The following ZFP30 variants were observed in gnomAD, a reference collection of about 807,000 sequenced individuals.
ZFP30 encodes the protein zinc finger protein 30 homolog.
ZFP30 carries 16 observed loss-of-function variants against 12.3 expected under a neutral mutation model. The ratio of observed to expected loss-of-function variants is 1.30; its 90% CI spans 0.88 to 1.98. ZFP30 has a LOEUF of 1.98. Ranked by LOEUF, ZFP30 falls within the 30% of genes most tolerant of loss-of-function variation. ZFP30 has a pLI of 0.00. For synonymous variants in ZFP30, 172 were observed against 201.0 expected, an observed-to-expected ratio of 0.86 and a Z score of 1.22; for missense variants, 560 against 611.2, an observed-to-expected ratio of 0.92 and a Z score of 0.88.
At chr19:37,636,438 A>C in intron 5 of ZFP30, 133 bp from the exon 6 acceptor site, 1 of 905,194 alleles carries the variant, frequency 1.1e-6, no homozygotes, top group Non-Finnish European at 1.6e-6. Flanking sequence ...AATGGGCTCA[A>C]AATCTCTAAA....
intron 5 of ZFP30, among the ~76,000 whole-genome samples, chr19:37,638,235 G>A (rs1042505544): frequency 2.0e-5 from 3 of 152,138 alleles, no homozygotes; most frequent in Non-Finnish European, 2.9e-5. Flanking sequence ...AAGGTAATAA[G>A]AGTCTCTAAA....
chr19:37,655,295 C>G (rs967990075), intron 1 of ZFP30, 125 bp downstream of exon 1: 2 of 152,372 alleles, frequency 1.3e-5, no homozygotes, highest in African/African-American at 4.8e-5. Context: ...AGCACACCGG[C>G]CTGAGGCTCC....
In ZFP30 at chr19:37,631,827, G is replaced by C. The variant is rs1251182233; in HGVS notation, c.*3154C>G. ...TTAAAGCTGGATGGATCTGGTCCAA[G>C]TTATTCCACATAAATGATTTTCTAT... is the stretch of plus-strand genomic sequence containing the variant. On this transcript the variant is annotated 3_prime_UTR_variant, in exon 6 of 6. Transcript: ENST00000684514. 6.6e-6 allele frequency: 1 copy of C among 152,082 alleles called. No homozygotes were observed. Among genetic ancestry groups the C allele is most frequent in the Non-Finnish European group, 1.5e-5 (1 of 67,994 alleles). The allele number at this position is 152,082 out of a possible 1,614,324, so 9.4% of individuals were successfully genotyped here.
intron 5 of ZFP30, among the ~76,000 whole-genome samples, chr19:37,637,195 CTTTT>C (rs1005693767): frequency 6.9e-6 from 1 of 145,032 alleles, no homozygotes; most frequent in African/African-American, 2.5e-5. Flanking sequence ...TTTCTTTTTT[CTTTT>C]TTTCTTTTTT....
intron 2 of ZFP30, among the ~76,000 whole-genome samples, chr19:37,649,051 A>AACAT: frequency 6.6e-6 from 1 of 152,058 alleles, no homozygotes; most frequent in South Asian, 2.1e-4. Context: ...CAGCCTCAAC[A>AACAT]ACATAGTAAG....
At position 37,643,490 on chromosome 19, in the gene ZFP30, A is replaced by G. The variant is rs528159982; in HGVS notation, c.137-127T>C. On this transcript the variant is annotated intron_variant, in intron 4 of 5. Transcript: ENST00000684514. Reference sequence around the variant, plus strand: ...GGATCACAAGGAAAAACAAGAACACAGAAGTAGGGACCTGGTTTTATTTTA... The same window carrying G: ...GGATCACAAGGAAAAACAAGAACACGGAAGTAGGGACCTGGTTTTATTTTA... The G allele has an allele frequency of 9.3e-6, 5 of 538,772 alleles. No homozygotes were observed. The East Asian group carries it at 2.0e-4, about 21-fold the overall frequency. The allele number at this position is 538,772 out of a possible 1,614,324, so 33.4% of individuals were successfully genotyped here.
chr19:37,649,148 G>A (rs1275316400), intron 2 of ZFP30, among the ~76,000 whole-genome samples: 1 of 151,700 alleles, frequency 6.6e-6, no homozygotes, highest in Non-Finnish European at 1.5e-5. Context: ...GGGAGGCTGA[G>A]GCAGGAGAAT....
intron 5 of ZFP30, 73 bp downstream of exon 5, chr19:37,643,192 G>T: frequency 8.6e-7 from 1 of 1,164,350 alleles, no homozygotes. Context: ...TGACATCTAA[G>T]GGGTGTGTCT....
rs886878376 is a variant in ZFP30, at chr19:37,631,498, G to A, written c.*3483C>T. Reference sequence around the variant, plus strand: ...ATGATGTAATACACTGAACATCATGGCTTCCCAATTATAACAGCAAATACA... The same window carrying A: ...ATGATGTAATACACTGAACATCATGACTTCCCAATTATAACAGCAAATACA... On this transcript the variant is annotated 3_prime_UTR_variant, in exon 6 of 6. Transcript: ENST00000684514. The A allele has an allele frequency of 2.6e-5, 4 of 151,962 alleles. No homozygotes were observed. Among genetic ancestry groups the A allele is most frequent in the Non-Finnish European group, 5.9e-5 (4 of 68,000 alleles). The allele number at this position is 151,962 out of a possible 1,614,324, so 9.4% of individuals were successfully genotyped here. A position where few individuals can be genotyped will look rare whatever the true frequency, so the allele number is the denominator to read the frequency against.
At chr19:37,645,992 C>G (rs1291915588) in intron 3 of ZFP30, among the ~76,000 whole-genome samples, 1 of 152,160 alleles carries the variant, frequency 6.6e-6, no homozygotes, top group East Asian at 1.9e-4. Context: ...CAGTTACCCA[C>G]AGTCAACCAT....
rs535753609 is a variant in ZFP30 at position 37,636,863 on chromosome 19, A to AC, written c.236-559dup. 1.6e-4 allele frequency among the ~76,000 whole-genome samples: 24 copies of AC among 152,034 alleles called. 1 individual carries two copies. In the South Asian group the frequency reaches 5.0e-3, roughly 32 times the overall value. On this transcript the variant is annotated intron_variant, in intron 5 of 5. Coordinates refer to ENST00000684514, the MANE Select transcript of ZFP30 (RefSeq NM_001320669.3). ...GTAGCTGGAATTACAGGAGTGCGCC[A>AC]CCATACTTGGCTAACTTTTGTATTT... is the stretch of plus-strand genomic sequence containing the variant.
intron 5 of ZFP30, among the ~76,000 whole-genome samples, chr19:37,642,564 TG>T (rs2044457135): frequency 6.6e-6 from 1 of 152,176 alleles, no homozygotes; most frequent in Non-Finnish European, 1.5e-5. Flanking sequence ...TTTATTTACT[TG>T]TTTACTGTGT....
chr19:37,641,940 T>C (rs951805437), intron 5 of ZFP30, among the ~76,000 whole-genome samples: 3 of 152,328 alleles, frequency 2.0e-5, no homozygotes, highest in Middle Eastern at 3.4e-3. Flanking sequence ...GTGTAGAACA[T>C]AGTCCTCTGT....
In ZFP30 at chr19:37,635,746, C is replaced by G. The variant is rs372392417; in HGVS notation, c.795G>C (p.Thr265=). Residue 265 remains threonine, a synonymous_variant, in exon 6 of 6, where the codon ACG becomes ACC. Coordinates refer to ENST00000684514, the MANE Select transcript of ZFP30 (RefSeq NM_001320669.3). ...GQLNLHQRIH[T]GEKPYECKEC... is the part of the protein sequence containing the mutation. ...CTTTACATTCATAGGGTTTCTCACC[C>G]GTGTGAATCCTTTGATGGAGATTAA... 1 of 1,613,548 alleles carries G rather than the reference C, an allele frequency of 6.2e-7. No homozygotes were observed. The highest frequency in any genetic ancestry group is 8.5e-7 in the Non-Finnish European group (1 of 1,179,880).
chr19:37,647,004 C>T (rs527488770), intron 3 of ZFP30, among the ~76,000 whole-genome samples: 1 of 152,100 alleles, frequency 6.6e-6, no homozygotes, highest in East Asian at 1.9e-4. Context: ...TTTCTTTTTA[C>T]TTTTTTTAAT....
chr19:37,650,322 C>T (rs932699612), intron 2 of ZFP30, among the ~76,000 whole-genome samples: 1 of 152,126 alleles, frequency 6.6e-6, no homozygotes, highest in African/African-American at 2.4e-5. Context: ...CTAGCCTGCT[C>T]TCAAACTCCT....
chr19:37,649,954 T>C (rs2044616656), intron 2 of ZFP30, among the ~76,000 whole-genome samples: 1 of 151,706 alleles, frequency 6.6e-6, no homozygotes, highest in Non-Finnish European at 1.5e-5. Context: ...GGTTAGAAAA[T>C]ATGATTGTAA....
chr19:37,643,830 A>G (rs1042844188), intron 4 of ZFP30, among the ~76,000 whole-genome samples: 1 of 152,176 alleles, frequency 6.6e-6, no homozygotes, highest in Non-Finnish European at 1.5e-5. Flanking sequence ...TGCATACAAT[A>G]TTAAATGCAA....
At chr19:37,644,573 A>T in intron 4 of ZFP30, 37 bp downstream of exon 4, 2 of 1,519,440 alleles carry the variant, frequency 1.3e-6, no homozygotes, top group Non-Finnish European at 1.8e-6. Context: ...AGTCCTGTGA[A>T]TGTCTAAATT....
Sources: allele counts gnomAD v4.1 joint callset (sites outside exome capture counted in the v4.1 genomes callset), GRCh38; gene constraint gnomAD v4.1.1; transcripts MANE v1.5; gene names NCBI Gene and HGNC (gene_info 2026-07-23, HGNC 2026-07-21).